SLC1A2: variants seen among roughly 807,000 people sequenced by gnomAD.
SLC1A2 encodes excitatory amino acid transporter 2.
A neutral mutation model predicts 48.8 loss-of-function variants in SLC1A2; 15 were observed. The observed-to-expected ratio is 0.31, with a 90% confidence interval of 0.21 to 0.47. SLC1A2 has a LOEUF of 0.47. SLC1A2 is among the 20% of genes least tolerant of loss of function. SLC1A2 has a pLI of 0.99. For missense variants in SLC1A2, 502 were observed against 730.5 expected, an observed-to-expected ratio of 0.69 and a Z score of 3.61; for synonymous variants, 279 against 272.6, an observed-to-expected ratio of 1.02 and a Z score of -0.23.
chr11:35,279,560 G>A (rs755524399), intron 9 of SLC1A2, among the ~76,000 whole-genome samples: 3 of 152,144 alleles, frequency 2.0e-5, no homozygotes, highest in African/African-American at 4.8e-5. Flanking sequence ...GGAATGTCCT[G>A]TCTCCCCGTC....
chr11:35,356,184 A>G (rs1853453852), intron 1 of SLC1A2, among the ~76,000 whole-genome samples: 1 of 152,234 alleles, frequency 6.6e-6, no homozygotes, highest in African/African-American at 2.4e-5. Context: ...GAATGAATTG[A>G]ATACCATCAA....
intron 1 of SLC1A2, among the ~76,000 whole-genome samples, chr11:35,333,827 ATTTTTTTTTT>A (rs373988431): frequency 3.2e-5 from 4 of 126,188 alleles, no homozygotes; most frequent in Admixed American, 8.1e-5. Context: ...ATGCCAGCTA[ATTTTTTTTTT>A]TTTTTTTTTT....
At chr11:35,338,339 G>C (rs1852709757) in intron 1 of SLC1A2, among the ~76,000 whole-genome samples, 1 of 152,064 alleles carries the variant, frequency 6.6e-6, no homozygotes, top group Admixed American at 6.6e-5. Context: ...GTGTCTGCTT[G>C]CTACTCTTTT....
intron 1 of SLC1A2, among the ~76,000 whole-genome samples, chr11:35,333,434 C>G (rs536298277): frequency 6.3e-5 from 9 of 142,940 alleles, no homozygotes; most frequent in African/African-American, 2.1e-4. Flanking sequence ...AAAAAAAAAG[C>G]AAAAACCATA....
intron 7 of SLC1A2, 117 bp downstream of exon 7, chr11:35,292,170 G>C (rs751273296): frequency 3.3e-5 from 25 of 747,460 alleles, no homozygotes; most frequent in Non-Finnish European, 5.8e-5. Context: ...AAAGATCTTA[G>C]TAATGTGTGC....
At chr11:35,359,135 A>G (rs1391519099) in intron 1 of SLC1A2, among the ~76,000 whole-genome samples, 1 of 152,202 alleles carries the variant, frequency 6.6e-6, no homozygotes, top group Non-Finnish European at 1.5e-5. Flanking sequence ...AGCCACTTGC[A>G]CTTGCTAGTG....
chr11:35,293,447 T>G (rs115997509), intron 6 of SLC1A2, among the ~76,000 whole-genome samples: 1 of 152,232 alleles, frequency 6.6e-6, no homozygotes, highest in African/African-American at 2.4e-5. Flanking sequence ...TATTAATTTA[T>G]AGAGAGTTTG....
chr11:35,419,115 C>T lies in SLC1A2; in HGVS notation c.-149G>A, dbSNP rs1855703287. The T allele has an allele frequency of 1.7e-5, 10 of 583,650 alleles. No individual in the cohort carries two copies. Among genetic ancestry groups the T allele is most frequent in the Admixed American group, 3.8e-5 (1 of 25,982 alleles). 36.2% of individuals were successfully genotyped at this position (583,650 alleles called of 1,614,324 possible). A position where few individuals can be genotyped will look rare whatever the true frequency, so the allele number is the denominator to read the frequency against. On this transcript the variant is annotated 5_prime_UTR_variant, in exon 1 of 11. Coordinates refer to ENST00000278379, the MANE Select transcript of SLC1A2 (RefSeq NM_004171.4). This position sits in a 1 kb window ranked among gnomAD's most constrained non-coding sequence, Gnocchi z 5.4. ...CTTCCACCCGCCTCCGGGGTAAGCC[C>T]TTTAGCGCCTCAACGGGCGCAGGAG...
At position 35,254,676 on chromosome 11, in the gene SLC1A2, C is replaced by G; in HGVS notation, c.*6218G>C. On this transcript the variant is annotated 3_prime_UTR_variant, in exon 11 of 11. Transcript: ENST00000278379. Reference sequence around the variant, plus strand: ...AACAGTCAGTTGTCAGGTTTCAACACTCACCCAAGGATTGGGGGTGTCTCC... The same window carrying G: ...AACAGTCAGTTGTCAGGTTTCAACAGTCACCCAAGGATTGGGGGTGTCTCC... 1 of 418,736 alleles carries G rather than the reference C, an allele frequency of 2.4e-6. No homozygotes were observed. Among genetic ancestry groups the G allele is most frequent in the South Asian group, 1.7e-5 (1 of 57,816 alleles). The allele number at this position is 418,736 out of a possible 1,614,324, so 25.9% of individuals were successfully genotyped here.
chr11:35,288,160 C>G (rs988273703), intron 7 of SLC1A2, among the ~76,000 whole-genome samples: 1 of 152,120 alleles, frequency 6.6e-6, no homozygotes, highest in Non-Finnish European at 1.5e-5. Flanking sequence ...ACCAACGAAT[C>G]AGAAGCCCTA....
chr11:35,251,498 T>TAAAC lies in SLC1A2; in HGVS notation c.*9392_*9395dup, dbSNP rs1479745843. 1 of 152,526 alleles carries TAAAC rather than the reference T, an allele frequency of 6.6e-6. No individual in the cohort carries two copies. Among genetic ancestry groups the TAAAC allele is most frequent in the Non-Finnish European group, 1.5e-5 (1 of 68,038 alleles). The allele number at this position is 152,526 out of a possible 1,614,324, so 9.4% of individuals were successfully genotyped here. On this transcript the variant is annotated 3_prime_UTR_variant, in exon 11 of 11. Coordinates refer to ENST00000278379, the MANE Select transcript of SLC1A2 (RefSeq NM_004171.4). ...TTATCTTTTTGCATTCATTAGTCTT[T>TAAAC]AAACACTATGTGCTATAGATGCTCT...
At chr11:35,368,755 A>G (rs1039215915) in intron 1 of SLC1A2, among the ~76,000 whole-genome samples, 2 of 152,232 alleles carry the variant, frequency 1.3e-5, no homozygotes, top group Admixed American at 6.5e-5. Flanking sequence ...ATAAGCTATC[A>G]GCTGGGGTAG....
intron 1 of SLC1A2, among the ~76,000 whole-genome samples, chr11:35,370,530 G>A (rs1446176936): frequency 6.6e-6 from 1 of 152,164 alleles, no homozygotes; most frequent in Non-Finnish European, 1.5e-5. Flanking sequence ...GAAGACTGGG[G>A]TCTTAGCAAA....
rs921198670 is a variant in SLC1A2 at position 35,251,256 on chromosome 11, C to T, written c.*9638G>A. The T allele has an allele frequency of 3.3e-5, 5 of 152,532 alleles. No homozygotes were observed. The highest frequency in any genetic ancestry group is 4.1e-4 in the South Asian group (2 of 4,832). 9.4% of individuals were successfully genotyped at this position (152,532 alleles called of 1,614,324 possible). A position where few individuals can be genotyped will look rare whatever the true frequency, so the allele number is the denominator to read the frequency against. On this transcript the variant is annotated 3_prime_UTR_variant, in exon 11 of 11. Coordinates refer to ENST00000278379, the MANE Select transcript of SLC1A2 (RefSeq NM_004171.4). Reference sequence around the variant, plus strand: ...AGAGATATATACACAAAAGTTAAAACACTTAGTGAAATATTGGATTCACAG... The same window carrying T: ...AGAGATATATACACAAAAGTTAAAATACTTAGTGAAATATTGGATTCACAG...
chr11:35,375,726 T>C (rs1469160125), intron 1 of SLC1A2, among the ~76,000 whole-genome samples: 2 of 152,200 alleles, frequency 1.3e-5, no homozygotes, highest in Non-Finnish European at 2.9e-5. Flanking sequence ...AGCAGGTCAC[T>C]GGGCCTGGAC....
At chr11:35,268,983 T>G (rs1850187038) in intron 9 of SLC1A2, among the ~76,000 whole-genome samples, 1 of 152,224 alleles carries the variant, frequency 6.6e-6, no homozygotes, top group Non-Finnish European at 1.5e-5. Context: ...TGCTGTGATC[T>G]GAACGTTTGC....
chr11:35,399,726 G>T, intron 1 of SLC1A2: 1 of 366,904 alleles, frequency 2.7e-6, no homozygotes, highest in Non-Finnish European at 3.8e-6. Flanking sequence ...AAAGTCGGGA[G>T]CCACCATTTT....
At chr11:35,302,284 T>A (rs1373474959) in intron 5 of SLC1A2, among the ~76,000 whole-genome samples, 2 of 152,236 alleles carry the variant, frequency 1.3e-5, no homozygotes, top group Admixed American at 1.3e-4. Flanking sequence ...AAATGTAATC[T>A]GTTATTTATG....
intron 1 of SLC1A2, among the ~76,000 whole-genome samples, chr11:35,333,263 T>A (rs144169720): frequency 0.043 from 6,540 of 151,486 alleles, 464 homozygotes; most frequent in African/African-American, 0.15. Flanking sequence ...AAAAAAATAC[T>A]AAAATTAGCC....
Sources: gnomAD v4.1 joint callset for allele counts (sites outside exome capture counted in the v4.1 genomes callset) on GRCh38, gnomAD v4.1.1 for gene constraint, Gnocchi (gnomAD v3.1) non-coding constraint, MANE v1.5 for transcripts, NCBI Gene and HGNC (gene_info 2026-07-23, HGNC 2026-07-21) for gene names.